BEND7: variants seen among roughly 807,000 people sequenced by gnomAD.
BEND7 encodes the protein BEN domain-containing protein 7.
BEND7 carries 28 observed loss-of-function variants against 50.9 expected under a neutral mutation model. The ratio of observed to expected loss-of-function variants is 0.55; its 90% confidence interval spans 0.41 to 0.75. BEND7 has a LOEUF of 0.75. Ranked by LOEUF, BEND7 falls within the 30% of genes least tolerant of loss-of-function variation. The pLI, the probability that BEND7 is intolerant of heterozygous loss-of-function variation, is 0.00. For missense variants in BEND7, 477 were observed against 491.3 expected (o/e 0.97, Z 0.28); for synonymous variants, 170 against 183.9 (o/e 0.92, Z 0.61).
At chr10:13,441,814 G>T (rs751144889) in intron 8 of BEND7, 64 bp from the exon 9 acceptor site, 20 of 1,523,296 alleles carry the variant, frequency 1.3e-5, no homozygotes, top group Non-Finnish European at 1.8e-5. Context: ...ATGGAAAAAG[G>T]CTAACAAAAA....
At chr10:13,440,260 C>A (rs12767849), downstream of BEND7, among the ~76,000 whole-genome samples, 60,211 of 152,012 alleles carry the variant, frequency 0.4, 13,475 homozygotes, top group African/African-American at 0.61. Flanking sequence ...AGGCCTTGGG[C>A]CAAAAGATAT....
At chr10:13,480,776 G>A (rs1311075634) in intron 6 of BEND7, 123 bp downstream of exon 6, 2 of 1,506,902 alleles carry the variant, frequency 1.3e-6, no homozygotes, top group Non-Finnish European at 1.8e-6. Flanking sequence ...CATGTGAATG[G>A]CTAAATTGGC....
At chr10:13,484,013 T>A (rs2076050277) in intron 5 of BEND7, among the ~76,000 whole-genome samples, 1 of 152,236 alleles carries the variant, frequency 6.6e-6, no homozygotes, top group Non-Finnish European at 1.5e-5. Context: ...TGTCACTGCT[T>A]TCCATTCCAC....
intron 5 of BEND7, among the ~76,000 whole-genome samples, chr10:13,489,713 T>C (rs2076513042): frequency 6.6e-6 from 1 of 152,152 alleles, no homozygotes; most frequent in African/African-American, 2.4e-5. Context: ...TCCAGGAGGA[T>C]CGTTCAAATC....
chr10:13,507,807 G>T (rs190022212), intron 2 of BEND7, among the ~76,000 whole-genome samples: 1 of 152,292 alleles, frequency 6.6e-6, no homozygotes, highest in East Asian at 1.9e-4. Context: ...TCTGGAGGTG[G>T]TTGCACAACA....
At chr10:13,500,804 T>C in intron 2 of BEND7, 4 of 985,408 alleles carry the variant, frequency 4.1e-6, no homozygotes, top group Non-Finnish European at 4.8e-6. Flanking sequence ...GAGGGGTCCC[T>C]GCCACTCGAG....
intron 2 of BEND7, among the ~76,000 whole-genome samples, chr10:13,525,064 G>C (rs1290555579): frequency 6.6e-6 from 1 of 152,136 alleles, no homozygotes. Flanking sequence ...CCCCTTGATG[G>C]GGTAATTGTG....
At chr10:13,499,114 T>C (rs1401163087) in intron 3 of BEND7, among the ~76,000 whole-genome samples, 5 of 152,342 alleles carry the variant, frequency 3.3e-5, no homozygotes, top group Admixed American at 2.0e-4. Context: ...TGTGGCCGGA[T>C]AGAAAACTAA....
rs760364855 is a variant in BEND7, at chr10:13,492,641, G to A, written c.807C>T (p.Phe269=). The A allele has an allele frequency of 1.1e-5, 18 of 1,613,866 alleles. No individual in the cohort carries two copies. Among genetic ancestry groups the A allele is most frequent in the East Asian group, 8.9e-5 (4 of 44,892 alleles). The change falls in exon 5 of 9, where the codon TTC becomes TTT. Residue 269 remains phenylalanine (F), a synonymous_variant. Transcript: ENST00000466271. ...TSPEESRVLG[F]GIVLESPSSD... ...AGGAAGGTGATTCCAGAACAATGCC[G>A]AATCCTAGAACGCGGCTCTCCTCCG...
chr10:13,453,139 A>C (rs1838154016), intron 6 of BEND7, among the ~76,000 whole-genome samples: 1 of 152,208 alleles, frequency 6.6e-6, no homozygotes, highest in Non-Finnish European at 1.5e-5. Context: ...TGTCGTGATG[A>C]AAGTTCCAAT....
At chr10:13,473,758 C>T (rs2075148128) in intron 6 of BEND7, among the ~76,000 whole-genome samples, 1 of 151,118 alleles carries the variant, frequency 6.6e-6, no homozygotes, top group Non-Finnish European at 1.5e-5. Context: ...GGTTGATACC[C>T]ATCATCGCTC....
At chr10:13,470,041 C>T (rs1171334626) in intron 6 of BEND7, among the ~76,000 whole-genome samples, 3 of 152,194 alleles carry the variant, frequency 2.0e-5, no homozygotes, top group Non-Finnish European at 2.9e-5. Context: ...ATCTGACTGA[C>T]TCTGAACTTA....
At chr10:13,470,739 G>GT (rs1278565136) in intron 6 of BEND7, among the ~76,000 whole-genome samples, 1 of 152,214 alleles carries the variant, frequency 6.6e-6, no homozygotes, top group African/African-American at 2.4e-5. Context: ...TTCATAAGGT[G>GT]TGGGATGGGG....
intron 2 of BEND7, among the ~76,000 whole-genome samples, 183 bp downstream of exon 2, chr10:13,525,955 T>C (rs1238014449): frequency 6.6e-6 from 1 of 152,198 alleles, no homozygotes; most frequent in Non-Finnish European, 1.5e-5. Context: ...ATGTCTGAAA[T>C]TACAACTTTT....
At chr10:13,500,794 G>A (rs899335604) in intron 2 of BEND7, 24 of 985,264 alleles carry the variant, frequency 2.4e-5, no homozygotes, top group African/African-American at 7.0e-5. Context: ...GGTGATGACC[G>A]AGGGGTCCCT....
intron 6 of BEND7, among the ~76,000 whole-genome samples, chr10:13,465,032 T>G (rs1038105620): frequency 1.3e-5 from 2 of 152,208 alleles, no homozygotes; most frequent in African/African-American, 4.8e-5. Context: ...AAAATAACAA[T>G]GTCCAGTGTT....
At chr10:13,507,534 G>C (rs1434411113) in intron 2 of BEND7, among the ~76,000 whole-genome samples, 1 of 152,212 alleles carries the variant, frequency 6.6e-6, no homozygotes, top group Admixed American at 6.5e-5. Context: ...AAAGATGAAG[G>C]GGGGCTGGGT....
intron 6 of BEND7, among the ~76,000 whole-genome samples, chr10:13,453,219 G>A (rs1423277454): frequency 1.3e-5 from 2 of 151,974 alleles, no homozygotes; most frequent in Non-Finnish European, 2.9e-5. Context: ...CAGCACAAAG[G>A]GGACTAAGGA....
In BEND7 at chr10:13,499,788, C is replaced by G. The variant is rs373470631; in HGVS notation, c.438G>C (p.Thr146=). ...RTFQSQPHPT[T]SSNGELPVVN... The stretch of plus-strand genomic sequence containing the variant: ...TGTTGACAACCATACCATTGGAGCT[C>G]GTGGTAGGGTGGGGCTGGCTTTGGA... The change falls in exon 3 of 9, where the codon ACG becomes ACC. Residue 146 remains threonine (T), a synonymous_variant. Coordinates refer to ENST00000466271, the MANE Select transcript of BEND7 (RefSeq NM_001369863.1). 1.1e-5 allele frequency: 17 copies of G among 1,604,358 alleles called. No individual in the cohort carries two copies. The highest frequency in any genetic ancestry group is 3.4e-6 in the Non-Finnish European group (4 of 1,172,858).
Sources: gnomAD v4.1 joint callset for allele counts (sites outside exome capture counted in the v4.1 genomes callset) on GRCh38, gnomAD v4.1.1 for gene constraint, MANE v1.5 for transcripts, NCBI Gene and HGNC (gene_info 2026-07-23, HGNC 2026-07-21) for gene names.